The following ANGPTL1 variants were observed in gnomAD, a reference collection of about 807,000 sequenced individuals.
ANGPTL1 encodes angiopoietin-related protein 1.
Under a neutral mutation model 46.7 loss-of-function variants are expected in ANGPTL1, and 36 were observed. The ratio of observed to expected loss-of-function variants is 0.77; its 90% CI spans 0.59 to 1.02. The LOEUF is 1.02. Among genes scored for constraint, ANGPTL1 ranks in the 50% least tolerant of loss-of-function variants. The pLI, the probability that ANGPTL1 is intolerant of heterozygous loss-of-function variation, is 0.00. For synonymous variants in ANGPTL1, 221 were observed against 204.3 expected (o/e 1.08, Z -0.69); for missense variants, 571 against 594.7 (o/e 0.96, Z 0.41).
intron 2 of ANGPTL1, among the ~76,000 whole-genome samples, chr1:178,868,880 G>A (rs1194221095): frequency 6.6e-6 from 1 of 151,930 alleles, no homozygotes; most frequent in Non-Finnish European, 1.5e-5. Context: ...AGCAGGGCAA[G>A]GAGCCACATT....
At chr1:178,854,336 A>G (rs1443152087) in intron 3 of ANGPTL1, among the ~76,000 whole-genome samples, 1 of 152,174 alleles carries the variant, frequency 6.6e-6, no homozygotes, top group Non-Finnish European at 1.5e-5. Flanking sequence ...GGAACATACT[A>G]GTACCTTGAG....
intron 3 of ANGPTL1, among the ~76,000 whole-genome samples, chr1:178,854,936 G>A (rs758604960): frequency 2.7e-4 from 41 of 152,018 alleles, no homozygotes; most frequent in Admixed American, 6.6e-4. Flanking sequence ...CCAGTGTTTC[G>A]AGCCTTTTTT....
At chr1:178,857,215 A>C (rs1347994947) in intron 3 of ANGPTL1, among the ~76,000 whole-genome samples, 1 of 152,240 alleles carries the variant, frequency 6.6e-6, no homozygotes, top group Non-Finnish European at 1.5e-5. Flanking sequence ...GTATACTTAC[A>C]GTATTCATAG....
At position 178,865,720 on chromosome 1, in the gene ANGPTL1, T is replaced by C; in HGVS notation, c.57A>G (p.Gly19=). 8.1e-6 allele frequency: 13 copies of C among 1,613,632 alleles called. No homozygotes were observed. The highest frequency in any genetic ancestry group is 1.1e-5 in the Non-Finnish European group (13 of 1,179,930). The change falls in exon 3 of 6, where the codon GGA becomes GGG. Residue 19 remains glycine (G), a synonymous_variant. Coordinates refer to ENST00000234816, the MANE Select transcript of ANGPTL1 (RefSeq NM_004673.4). ...GVLFFLLVDT[G]HCRGGQFKIK... is the part of the protein sequence containing the mutation. ...TTTTGAATTGTCCACCTCTGCAATG[T>C]CCAGTGTCCACTAGTAGGAAGAATA...
chr1:178,863,821 G>A (rs1658201669), intron 3 of ANGPTL1, among the ~76,000 whole-genome samples: 3 of 152,202 alleles, frequency 2.0e-5, no homozygotes, highest in Admixed American at 2.0e-4. Flanking sequence ...GGCCAGGAAA[G>A]CAGGGCTGTG....
intron 3 of ANGPTL1, among the ~76,000 whole-genome samples, chr1:178,863,808 G>A (rs565267377): frequency 7.9e-5 from 12 of 152,308 alleles, no homozygotes; most frequent in Non-Finnish European, 1.8e-4. Context: ...TTAAAATGTA[G>A]AAGGCCAGGA....
rs754347008 is a variant in ANGPTL1, at chr1:178,865,627, T to C, written c.150A>G (p.Ala50=). 10 of 1,613,912 alleles carry C rather than the reference T, an allele frequency of 6.2e-6. No homozygotes were observed. In the Admixed American group the frequency reaches 1.3e-4, roughly 22 times the overall value. The part of the protein sequence containing the change: ...TDGKEEAKKC[A]YTFLVPEQRI... Reference sequence around the variant, plus strand: ...TTTGTTCAGGTACCAGGAATGTGTATGCACATTTCTTTGCTTCCTCTTTAC... The same window carrying C: ...TTTGTTCAGGTACCAGGAATGTGTACGCACATTTCTTTGCTTCCTCTTTAC... The change falls in exon 3 of 6, where the codon GCA becomes GCG. Residue 50 remains alanine, a synonymous_variant. Transcript: ENST00000234816.
At chr1:178,854,276 C>T (rs1572404991) in intron 3 of ANGPTL1, among the ~76,000 whole-genome samples, 1 of 152,122 alleles carries the variant, frequency 6.6e-6, no homozygotes, top group African/African-American at 2.4e-5. Flanking sequence ...TCAGTTTATT[C>T]ATAGTCCTAC....
intron 3 of ANGPTL1, among the ~76,000 whole-genome samples, chr1:178,863,740 A>G (rs912241963): frequency 7.2e-5 from 11 of 152,216 alleles, no homozygotes; most frequent in Admixed American, 3.3e-4. Flanking sequence ...ACTTTAAGGC[A>G]TAGAAGGAAG....
Position 178,856,394 on chromosome 1 carries a change from A to ATTTTTTTTTTTTTTTTTTTTTTTTTTTTT in ANGPTL1, c.824-2636_824-2608dup, listed in dbSNP as rs71108081. Among the ~76,000 whole-genome samples, 4 of 36,432 alleles carry ATTTTTTTTTTTTTTTTTTTTTTTTTTTTT rather than the reference A, an allele frequency of 1.1e-4. 2 individuals carry two copies. The highest frequency in any genetic ancestry group is 5.8e-4 in the African/African-American group (4 of 6,862). 23.9% of individuals were successfully genotyped at this position (36,432 alleles called of 152,430 possible). A position where few individuals can be genotyped will look rare whatever the true frequency, so the allele number is the denominator to read the frequency against. On this transcript the variant is annotated intron_variant, in intron 3 of 5. Transcript: ENST00000234816. ...AGGCAAGTGCCACCCTGCCTGGCTA[A>ATTTTTTTTTTTTTTTTTTTTTTTTTTTTT]TTTTTTTTTTTTTTTTTTTTTTTTT...
At chr1:178,861,899 G>A (rs1658040771) in intron 3 of ANGPTL1, among the ~76,000 whole-genome samples, 1 of 152,080 alleles carries the variant, frequency 6.6e-6, no homozygotes, top group African/African-American at 2.4e-5. Flanking sequence ...TGTTGTTTGA[G>A]TCTCACTCTG....
At chr1:178,860,255 TGCAG>T (rs560494310) in intron 3 of ANGPTL1, among the ~76,000 whole-genome samples, 3,261 of 152,256 alleles carry the variant, frequency 0.021, 39 homozygotes, top group Middle Eastern at 0.041. Flanking sequence ...TTTCATTGAT[TGCAG>T]CTTGTCAGGT....
At chr1:178,866,819 G>A (rs984576044) in intron 2 of ANGPTL1, among the ~76,000 whole-genome samples, 15 of 152,126 alleles carry the variant, frequency 9.9e-5, no homozygotes, top group African/African-American at 2.4e-4. Context: ...AGAATGTTTC[G>A]TTTTTGCTGT....
rs1162739258 is a variant in ANGPTL1 at position 178,851,182 on chromosome 1, C to T, written c.1423G>A (p.Gly475Ser). ...QDGIFWAEYR[G>S]GSYSLRAVQM... ...ACTGCTCTTAAGGAGTATGACCCGC[C>T]TCTGTATTCGGCCCAGAAAATTCCA... is the stretch of plus-strand genomic sequence containing the variant. Residue 475 changes from glycine to serine, a missense_variant, in exon 6 of 6, where the codon GGC becomes AGC. Physicochemically the swap from Gly to Ser is moderately conservative, Grantham distance 56 (BLOSUM62 0). Coordinates refer to ENST00000234816, the MANE Select transcript of ANGPTL1 (RefSeq NM_004673.4). The T allele has an allele frequency of 6.2e-7, 1 of 1,613,882 alleles. No homozygotes were observed. Among genetic ancestry groups the T allele is most frequent in the East Asian group, 2.2e-5 (1 of 44,886 alleles).
intron 3 of ANGPTL1, among the ~76,000 whole-genome samples, chr1:178,858,513 C>G (rs1235819257): frequency 6.6e-6 from 1 of 152,104 alleles, no homozygotes; most frequent in Non-Finnish European, 1.5e-5. Flanking sequence ...ACTGGAATTA[C>G]CTTTCTTTTA....
chr1:178,858,487 G>A (rs568138734), intron 3 of ANGPTL1, among the ~76,000 whole-genome samples: 7 of 152,134 alleles, frequency 4.6e-5, no homozygotes, highest in Non-Finnish European at 7.4e-5. Context: ...TGTTCATGAT[G>A]ATTCAAAAGG....
chr1:178,856,880 T>A (rs565245116), intron 3 of ANGPTL1, among the ~76,000 whole-genome samples: 1 of 152,288 alleles, frequency 6.6e-6, no homozygotes, highest in African/African-American at 2.4e-5. Flanking sequence ...GTAGCCAATT[T>A]TAGCTCTTAA....
chr1:178,851,290 C>G lies in ANGPTL1; in HGVS notation c.1315G>C (p.Gly439Arg), dbSNP rs752543001. The change falls in exon 6 of 6, where the codon GGC becomes CGC. Residue 439 changes from glycine (G) to arginine (R), a missense_variant. Transcript: ENST00000234816. ...TGTGCACAGGCATTGTACCACCAGC[C>G]TCCTTTATGAAAGTGGGCGCAGTTT... ...AGNCAHFHKG[G>R]WWYNACAHSN... 1 of 1,610,914 alleles carries G rather than the reference C, an allele frequency of 6.2e-7. No homozygotes were observed. Among genetic ancestry groups the G allele is most frequent in the Non-Finnish European group, 8.5e-7 (1 of 1,179,064 alleles).
At chr1:178,855,275 A>G (rs1292265788) in intron 3 of ANGPTL1, among the ~76,000 whole-genome samples, 1 of 149,378 alleles carries the variant, frequency 6.7e-6, no homozygotes, top group African/African-American at 2.5e-5. Flanking sequence ...TTCCTTGTAG[A>G]TTGTTCCGTG....
Sources: gnomAD v4.1 joint callset for allele counts (sites outside exome capture counted in the v4.1 genomes callset) on GRCh38, gnomAD v4.1.1 for gene constraint, MANE v1.5 for transcripts, NCBI Gene and HGNC (gene_info 2026-07-23, HGNC 2026-07-21) for gene names.